DIP2C: variants seen among roughly 807,000 people sequenced by gnomAD.
The protein encoded by DIP2C is disco-interacting protein 2 homolog C.
A neutral mutation model predicts 192.4 loss-of-function variants in DIP2C; 33 were observed. That is an observed-to-expected ratio of 0.17 (90% CI 0.13 to 0.23). DIP2C has a LOEUF of 0.23. DIP2C is among the 10% of genes least tolerant of loss of function. DIP2C has a pLI of 1.00. For missense variants in DIP2C, 1,537 were observed against 2,110.1 expected, an observed-to-expected ratio of 0.73 and a Z score of 5.32; for synonymous variants, 979 against 864.1, an observed-to-expected ratio of 1.13 and a Z score of -2.33.
At chr10:452,266 A>C (rs1329553411) in intron 3 of DIP2C, among the ~76,000 whole-genome samples, 2 of 152,192 alleles carry the variant, frequency 1.3e-5, no homozygotes, top group East Asian at 3.9e-4. Context: ...CAGCACCCTG[A>C]AGATTCCGTC....
rs752630905 is a variant in DIP2C at position 286,254 on chromosome 10, C to A, written c.4119+19G>T. ...CATAACAGAAAAGTAACCTGGATCT[C>A]GGAGGACACTCAACTCACCTCTCCA... On this transcript the variant is annotated intron_variant, in intron 34 of 36. Transcript: ENST00000280886. The A allele has an allele frequency of 6.2e-7, 1 of 1,613,100 alleles. No individual in the cohort carries two copies. Among genetic ancestry groups the A allele is most frequent in the Non-Finnish European group, 8.5e-7 (1 of 1,179,348 alleles).
At chr10:680,076 A>C (rs1040241548) in intron 1 of DIP2C, among the ~76,000 whole-genome samples, 2 of 152,166 alleles carry the variant, frequency 1.3e-5, no homozygotes, top group African/African-American at 4.8e-5. Flanking sequence ...CGATGCTGAC[A>C]GTGTGGGCCC....
intron 1 of DIP2C, among the ~76,000 whole-genome samples, chr10:645,490 T>C (rs1855403340): frequency 6.6e-6 from 1 of 152,248 alleles, no homozygotes; most frequent in African/African-American, 2.4e-5. Context: ...CATAAAATTA[T>C]GTTATTTCCC....
intron 8 of DIP2C, among the ~76,000 whole-genome samples, chr10:413,495 A>G (rs1965317642): frequency 6.6e-6 from 1 of 152,272 alleles, no homozygotes; most frequent in Non-Finnish European, 1.5e-5. Flanking sequence ...TGCTTCAAGC[A>G]GCCATTTCTG....
intron 1 of DIP2C, among the ~76,000 whole-genome samples, chr10:603,449 G>A (rs932725073): frequency 1.3e-5 from 2 of 151,610 alleles, no homozygotes; most frequent in Non-Finnish European, 2.9e-5. Context: ...TGTGCTTGAA[G>A]TTTTAATCCT....
intron 5 of DIP2C, among the ~76,000 whole-genome samples, chr10:422,539 G>A (rs966332784): frequency 3.9e-5 from 6 of 152,178 alleles, no homozygotes; most frequent in Non-Finnish European, 8.8e-5. Flanking sequence ...GATTGGGACT[G>A]TTAAGGTTTC....
intron 1 of DIP2C, among the ~76,000 whole-genome samples, chr10:559,862 G>A (rs944054983): frequency 6.6e-6 from 1 of 152,198 alleles, no homozygotes; most frequent in African/African-American, 2.4e-5. Flanking sequence ...CACACCGGGT[G>A]AGACATCCAC....
At chr10:297,531 C>T (rs1019025227) in intron 32 of DIP2C, among the ~76,000 whole-genome samples, 3 of 151,984 alleles carry the variant, frequency 2.0e-5, no homozygotes, top group South Asian at 2.1e-4. Flanking sequence ...GCAAGATGGA[C>T]GGAAGCGCAG....
At chr10:280,447 G>C (rs1197879117) in intron 36 of DIP2C, among the ~76,000 whole-genome samples, 1 of 151,938 alleles carries the variant, frequency 6.6e-6, no homozygotes, top group Non-Finnish European at 1.5e-5. Flanking sequence ...ACGGTGTTGA[G>C]TCACTTTTCA....
chr10:454,991 C>A (rs34779147), intron 3 of DIP2C, among the ~76,000 whole-genome samples: 22,053 of 152,180 alleles, frequency 0.14, 4,020 homozygotes, highest in African/African-American at 0.43. Flanking sequence ...AGAGCTCCTG[C>A]CATTTGCACC....
Position 689,106 on chromosome 10 carries a change from C to T in DIP2C, c.85+388G>A, listed in dbSNP as rs1831444199. Among the ~76,000 whole-genome samples the T allele has an allele frequency of 6.6e-6, 1 of 151,736 alleles. No homozygotes were observed. The highest frequency in any genetic ancestry group is 2.4e-5 in the African/African-American group (1 of 41,278). On this transcript the variant is annotated intron_variant, in intron 1 of 36. Transcript: ENST00000280886. The surrounding 1 kb of genome is among the most constrained non-coding windows in gnomAD (Gnocchi z 6.1). The stretch of plus-strand genomic sequence containing the variant: ...AAGGCCGATCCCGCCGGGCCCGCTG[C>T]ATCCTGCGTCCCCGCGCGGCGCCCA...
intron 1 of DIP2C, among the ~76,000 whole-genome samples, chr10:493,506 G>C (rs1844599215): frequency 1.3e-5 from 2 of 152,280 alleles, no homozygotes; most frequent in South Asian, 4.2e-4. Context: ...ATTATTTCCA[G>C]CTGGACATCG....
rs150202439 is a variant in DIP2C, at chr10:282,280, T to C, written c.4295-957A>G. 1.2e-3 allele frequency among the ~76,000 whole-genome samples: 190 copies of C among 152,366 alleles called. 2 individuals carry two copies. Among genetic ancestry groups the C allele is most frequent in the South Asian group, 5.2e-3 (25 of 4,826 alleles). On this transcript the variant is annotated intron_variant, in intron 35 of 36. Coordinates refer to ENST00000280886, the MANE Select transcript of DIP2C (RefSeq NM_014974.3). ...AGGACTCAGCGGGACGTGGCTTTCCTGGCCTTTCTCTAGGACTATAAATTG... is the reference window on the plus strand; with the variant it reads ...AGGACTCAGCGGGACGTGGCTTTCCCGGCCTTTCTCTAGGACTATAAATTG...
Position 548,610 on chromosome 10 carries a change from T to C in DIP2C, c.86-62080A>G, listed in dbSNP as rs1270064972. Among the ~76,000 whole-genome samples the C allele has an allele frequency of 3.8e-4, 21 of 55,158 alleles. No homozygotes were observed. The Admixed American group carries it at 4.1e-3, about 11-fold the overall frequency. 36.2% of individuals were successfully genotyped at this position (55,158 alleles called of 152,430 possible). A position where few individuals can be genotyped will look rare whatever the true frequency, so the allele number is the denominator to read the frequency against. Reference sequence around the variant, plus strand: ...GCCAGAGGTGACGTGGCAAGGGTTATGGGGGTGACATGGTGTGGTGGGGGG... The same window carrying C: ...GCCAGAGGTGACGTGGCAAGGGTTACGGGGGTGACATGGTGTGGTGGGGGG... On this transcript the variant is annotated intron_variant, in intron 1 of 36. Transcript: ENST00000280886.
chr10:619,543 C>CCTCCCACCCAGCTCCTCACGCA (rs1312620758), intron 1 of DIP2C, among the ~76,000 whole-genome samples: 1 of 140,680 alleles, frequency 7.1e-6, no homozygotes, highest in Non-Finnish European at 1.6e-5. Flanking sequence ...GCCCGCCCGC[C>CCTCCCACCCAGCTCCTCACGCA]CTCCCACCCA....
At chr10:470,183 C>A (rs1395412410) in intron 3 of DIP2C, among the ~76,000 whole-genome samples, 1 of 152,110 alleles carries the variant, frequency 6.6e-6, no homozygotes, top group African/African-American at 2.4e-5. Flanking sequence ...AACGAATACA[C>A]AGACATGCAG....
At chr10:670,169 C>T (rs1462494137) in intron 1 of DIP2C, among the ~76,000 whole-genome samples, 1 of 152,032 alleles carries the variant, frequency 6.6e-6, no homozygotes, top group Non-Finnish European at 1.5e-5. Context: ...TGCGCACATG[C>T]ATGAACATGT....
intron 17 of DIP2C, among the ~76,000 whole-genome samples, chr10:376,502 G>GT (rs1961609299): frequency 1.4e-5 from 2 of 141,972 alleles, no homozygotes; most frequent in Non-Finnish European, 3.1e-5. Context: ...TGAGAGTGGG[G>GT]TTGGGAGGGG....
At chr10:572,882 C>T (rs1032846350) in intron 1 of DIP2C, among the ~76,000 whole-genome samples, 1 of 152,248 alleles carries the variant, frequency 6.6e-6, no homozygotes, top group East Asian at 1.9e-4. Context: ...GCCGGCGGGA[C>T]TCGCTAAACA....
Sources: gnomAD v4.1 joint callset for allele counts (sites outside exome capture counted in the v4.1 genomes callset) on GRCh38, gnomAD v4.1.1 for gene constraint, Gnocchi (gnomAD v3.1) non-coding constraint, MANE v1.5 for transcripts, NCBI Gene and HGNC (gene_info 2026-07-23, HGNC 2026-07-21) for gene names.